The following PLXNC1 variants were observed in gnomAD, a reference collection of about 807,000 sequenced individuals.
PLXNC1 encodes plexin C1, also known as plexin-C1.
A neutral mutation model predicts 178.2 loss-of-function variants in PLXNC1; 75 were observed. The ratio of observed to expected loss-of-function variants is 0.42; its 90% confidence interval spans 0.35 to 0.51. The LOEUF is 0.51. PLXNC1 is among the 20% of genes least tolerant of loss of function. The pLI is 0.02. For synonymous variants in PLXNC1, 790 were observed against 779.9 expected (o/e 1.01, Z -0.22); for missense variants, 1,503 against 1,984.4 (o/e 0.76, Z 4.61).
At chr12:94,153,836 G>A (rs1038387351) in intron 1 of PLXNC1, among the ~76,000 whole-genome samples, 1 of 152,214 alleles carries the variant, frequency 6.6e-6, no homozygotes, top group Non-Finnish European at 1.5e-5. Context: ...ATGCTCACAT[G>A]CTGCCCAACA....
chr12:94,255,109 A>G, intron 16 of PLXNC1, 84 bp from the exon 17 acceptor site: 2 of 1,124,828 alleles, frequency 1.8e-6, no homozygotes, highest in Non-Finnish European at 1.4e-6. Context: ...AACCAAGGTC[A>G]TACTCTGTGT....
At chr12:94,175,716 G>A (rs1023281988) in intron 2 of PLXNC1, among the ~76,000 whole-genome samples, 2 of 152,218 alleles carry the variant, frequency 1.3e-5, no homozygotes. Flanking sequence ...TAATAGCGTC[G>A]TTTTTCATTT....
intron 22 of PLXNC1, 90 bp downstream of exon 22, chr12:94,279,739 AC>A: frequency 1.1e-6 from 1 of 895,406 alleles, no homozygotes; most frequent in Non-Finnish European, 1.6e-6. Flanking sequence ...CCCTGCCCCC[AC>A]CAGCTTCCAT....
chr12:94,203,907 A>G (rs1247354567), intron 4 of PLXNC1, among the ~76,000 whole-genome samples: 1 of 152,206 alleles, frequency 6.6e-6, no homozygotes, highest in East Asian at 1.9e-4. Flanking sequence ...GCCTTTGTGA[A>G]TGGATTAATG....
intron 27 of PLXNC1, among the ~76,000 whole-genome samples, chr12:94,300,256 T>C (rs944524346): frequency 3.3e-5 from 5 of 152,150 alleles, no homozygotes; most frequent in Non-Finnish European, 7.4e-5. Flanking sequence ...GAGGCTAGTA[T>C]GTGTCAGGAC....
At chr12:94,259,482 T>G (rs1964937863) in intron 18 of PLXNC1, 107 bp downstream of exon 18, 1 of 1,146,282 alleles carries the variant, frequency 8.7e-7, no homozygotes. Context: ...TTATTGTGGG[T>G]TTTTTTTGGA....
intron 9 of PLXNC1, 181 bp downstream of exon 9, chr12:94,227,416 G>A: frequency 2.1e-6 from 1 of 482,606 alleles, no homozygotes; most frequent in South Asian, 3.0e-5. Context: ...TCAATGGCTG[G>A]ACACTCACAT....
At chr12:94,204,601 GT>G (rs2135994841) in intron 4 of PLXNC1, among the ~76,000 whole-genome samples, 2 of 152,314 alleles carry the variant, frequency 1.3e-5, no homozygotes, top group South Asian at 4.1e-4. Flanking sequence ...TTCATTTGAA[GT>G]TTAGTTTGTC....
chr12:94,154,791 A>T (rs1961098439), intron 1 of PLXNC1, among the ~76,000 whole-genome samples: 1 of 152,226 alleles, frequency 6.6e-6, no homozygotes, highest in Admixed American at 6.5e-5. Context: ...TAGTTTCTTA[A>T]CTGTGAACTT....
At chr12:94,296,767 A>T (rs1967961650) in intron 24 of PLXNC1, among the ~76,000 whole-genome samples, 1 of 152,172 alleles carries the variant, frequency 6.6e-6, no homozygotes. Context: ...CATAACCTTT[A>T]TCACAGTTAT....
chr12:94,163,381 A>T (rs916051664), intron 1 of PLXNC1, among the ~76,000 whole-genome samples: 5 of 152,098 alleles, frequency 3.3e-5, no homozygotes, highest in African/African-American at 1.2e-4. Flanking sequence ...TAAAAAAAAG[A>T]ATCTAGGAAA....
intron 22 of PLXNC1, chr12:94,282,051 A>T: frequency 2.4e-6 from 1 of 422,454 alleles, no homozygotes; most frequent in South Asian, 2.5e-5. Context: ...AGAATGCATT[A>T]TTTTGTCTTC....
At chr12:94,210,575 A>G (rs1003993389) in intron 5 of PLXNC1, among the ~76,000 whole-genome samples, 1 of 152,204 alleles carries the variant, frequency 6.6e-6, no homozygotes, top group African/African-American at 2.4e-5. Flanking sequence ...TTTCCCTTAC[A>G]CTTTGCCATT....
At chr12:94,294,400 G>C in intron 23 of PLXNC1, 86 bp from the exon 24 acceptor site, 1 of 646,580 alleles carries the variant, frequency 1.5e-6, no homozygotes. Context: ...CAGCATGTAA[G>C]ATCCATCCAG....
chr12:94,221,937 G>A (rs1233743443), intron 6 of PLXNC1, among the ~76,000 whole-genome samples: 1 of 152,094 alleles, frequency 6.6e-6, no homozygotes, highest in African/African-American at 2.4e-5. Flanking sequence ...ATGAATTTAG[G>A]GGAGACATAA....
At chr12:94,175,619 G>A (rs1468697416) in intron 2 of PLXNC1, among the ~76,000 whole-genome samples, 2 of 152,184 alleles carry the variant, frequency 1.3e-5, no homozygotes, top group East Asian at 1.9e-4. Flanking sequence ...ATGTTGACAC[G>A]AACTGAAATT....
chr12:94,305,165 T>C lies in PLXNC1; in HGVS notation c.4603-16T>C. On this transcript the variant is annotated splice_polypyrimidine_tract_variant and intron_variant, in intron 30 of 30. Transcript: ENST00000258526. Reference sequence around the variant, plus strand: ...AAAACCACAATATCTAAAATAACTGTTCTAATTGTCAACAGATTCTAAATA... The same window carrying C: ...AAAACCACAATATCTAAAATAACTGCTCTAATTGTCAACAGATTCTAAATA... 1 of 1,528,406 alleles carries C rather than the reference T, an allele frequency of 6.5e-7. No homozygotes were observed. The highest frequency in any genetic ancestry group is 9.0e-7 in the Non-Finnish European group (1 of 1,107,122). 94.7% of individuals were successfully genotyped at this position (1,528,406 alleles called of 1,614,324 possible).
chr12:94,219,974 A>C (rs747983731), intron 5 of PLXNC1, 42 bp from the exon 6 acceptor site: 5 of 1,597,768 alleles, frequency 3.1e-6, no homozygotes, highest in Admixed American at 3.4e-5. Flanking sequence ...GATGGAAATG[A>C]GGCAAAAATC....
chr12:94,186,465 G>C lies in PLXNC1; in HGVS notation c.1431G>C (p.Ser477=). ...ACCCTCACTGCGGTTGGTGCCATTC[G>C]CTACAAAGGTATCTCCTGAATTCTT... The part of the protein sequence containing the change: ...ATDPHCGWCH[S]LQRCTFQGDC... Residue 477 remains serine, a synonymous_variant, in exon 4 of 31, where the codon TCG becomes TCC. Transcript: ENST00000258526. The C allele has an allele frequency of 6.2e-7, 1 of 1,607,344 alleles. No individual in the cohort carries two copies. Among genetic ancestry groups the C allele is most frequent in the Non-Finnish European group, 8.5e-7 (1 of 1,173,848 alleles).
Sources: allele counts gnomAD v4.1 joint callset (sites outside exome capture counted in the v4.1 genomes callset), GRCh38; gene constraint gnomAD v4.1.1; transcripts MANE v1.5; gene names NCBI Gene and HGNC (gene_info 2026-07-23, HGNC 2026-07-21).